The following CABLES1 variants were observed in gnomAD, a reference collection of about 807,000 sequenced individuals.
CABLES1 encodes the protein CDK5 and ABL1 enzyme substrate 1.
CABLES1 carries 36 observed loss-of-function variants against 57.8 expected under a neutral mutation model. That is an observed-to-expected ratio of 0.62 (90% CI 0.48 to 0.82). The LOEUF (loss-of-function observed/expected upper bound fraction) is 0.82. Ranked by LOEUF, CABLES1 falls within the 40% of genes least tolerant of loss-of-function variation. CABLES1 has a pLI of 0.00. For missense variants in CABLES1, 767 were observed against 836.6 expected (o/e 0.92, Z 1.03); for synonymous variants, 374 against 363.0 (o/e 1.03, Z -0.35).
chr18:23,242,492 G>A (rs565526437), intron 7 of CABLES1, among the ~76,000 whole-genome samples: 2 of 152,230 alleles, frequency 1.3e-5, no homozygotes, highest in South Asian at 2.1e-4. Flanking sequence ...ATGAGAGAGT[G>A]GTTATGTATC....
At chr18:23,255,095 T>C (rs2048129713) in intron 9 of CABLES1, among the ~76,000 whole-genome samples, 1 of 152,150 alleles carries the variant, frequency 6.6e-6, no homozygotes, top group Non-Finnish European at 1.5e-5. Flanking sequence ...TGCCTGGCTC[T>C]GGGGTGATAA....
rs1282471825 is a variant in CABLES1, at chr18:23,258,814, C to T, written c.*1447C>T. 2 of 152,164 alleles carry T rather than the reference C, an allele frequency of 1.3e-5. No individual in the cohort carries two copies. The highest frequency in any genetic ancestry group is 6.5e-5 in the Admixed American group (1 of 15,276). The allele number at this position is 152,164 out of a possible 1,614,324, so 9.4% of individuals were successfully genotyped here. On this transcript the variant is annotated 3_prime_UTR_variant, in exon 10 of 10. Coordinates refer to ENST00000256925, the MANE Select transcript of CABLES1 (RefSeq NM_001100619.3). ...AACCGAACCGAGGGTCTGCAGCTTT[C>T]GTTAGCAGAGCTGTCAGATTCTTGA...
chr18:23,153,904 A>G (rs1320817074), intron 1 of CABLES1, among the ~76,000 whole-genome samples: 1 of 152,052 alleles, frequency 6.6e-6, no homozygotes, highest in African/African-American at 2.4e-5. Flanking sequence ...GATAGCACAC[A>G]CCTGTAATCT....
At chr18:23,204,012 G>A (rs140588144) in intron 3 of CABLES1, among the ~76,000 whole-genome samples, 107 of 152,314 alleles carry the variant, frequency 7.0e-4, no homozygotes, top group African/African-American at 2.5e-3. Context: ...GACAGGGAGT[G>A]GACAGCCTGA....
chr18:23,140,674 G>GTGA (rs2046852456), intron 1 of CABLES1, among the ~76,000 whole-genome samples: 1 of 152,150 alleles, frequency 6.6e-6, no homozygotes, highest in Non-Finnish European at 1.5e-5. Context: ...CTGACCTCAG[G>GTGA]TGATCCACCT....
At chr18:23,191,895 G>A (rs1050063778) in intron 2 of CABLES1, among the ~76,000 whole-genome samples, 3 of 116,718 alleles carry the variant, frequency 2.6e-5, no homozygotes, top group African/African-American at 1.0e-4. Context: ...CTGGTGATTT[G>A]GTTGAATGCT....
chr18:23,243,468 GTTTTTTT>G (rs551293348), intron 7 of CABLES1, among the ~76,000 whole-genome samples: 13 of 101,878 alleles, frequency 1.3e-4, no homozygotes, highest in Admixed American at 8.0e-4. Flanking sequence ...TGGGTTTGGT[GTTTTTTT>G]TTTTTTTTTT....
At chr18:23,239,481 A>AC (rs2047682854) in intron 7 of CABLES1, among the ~76,000 whole-genome samples, 2 of 151,808 alleles carry the variant, frequency 1.3e-5, no homozygotes, top group Non-Finnish European at 2.9e-5. Flanking sequence ...AAGGGCCTCA[A>AC]CCCCCCAGCT....
At chr18:23,142,649 C>T (rs1157181550) in intron 1 of CABLES1, among the ~76,000 whole-genome samples, 1 of 152,204 alleles carries the variant, frequency 6.6e-6, no homozygotes, top group Non-Finnish European at 1.5e-5. Context: ...ACATTGAACA[C>T]AATGAGTATC....
intron 1 of CABLES1, among the ~76,000 whole-genome samples, chr18:23,168,124 T>C (rs2047056627): frequency 6.6e-6 from 1 of 152,146 alleles, no homozygotes; most frequent in African/African-American, 2.4e-5. Context: ...GTTTGCCCTT[T>C]CAGAGTAGGG....
At chr18:23,203,839 C>T (rs967791342) in intron 3 of CABLES1, among the ~76,000 whole-genome samples, 11 of 152,164 alleles carry the variant, frequency 7.2e-5, no homozygotes, top group African/African-American at 9.7e-5. Flanking sequence ...CCTTGCAACA[C>T]GGACCCTTTC....
At chr18:23,242,981 T>C (rs2047773008) in intron 7 of CABLES1, among the ~76,000 whole-genome samples, 1 of 151,804 alleles carries the variant, frequency 6.6e-6, no homozygotes, top group Middle Eastern at 3.2e-3. Flanking sequence ...GTGATTAGAT[T>C]CTGCCTGTCC....
chr18:23,190,769 C>CT (rs1178398937), intron 2 of CABLES1, among the ~76,000 whole-genome samples: 2 of 152,020 alleles, frequency 1.3e-5, no homozygotes, highest in African/African-American at 4.8e-5. Context: ...ACTAAAGGAC[C>CT]TTTTTTTGAT....
At chr18:23,141,646 G>A (rs1266319440) in intron 1 of CABLES1, among the ~76,000 whole-genome samples, 4 of 152,198 alleles carry the variant, frequency 2.6e-5, no homozygotes, top group African/African-American at 9.6e-5. Flanking sequence ...CGCAGTCTGA[G>A]GCTTCCCTGC....
At chr18:23,149,454 G>A (rs1249491022) in intron 1 of CABLES1, among the ~76,000 whole-genome samples, 1 of 152,006 alleles carries the variant, frequency 6.6e-6, no homozygotes, top group Non-Finnish European at 1.5e-5. Context: ...GTAAATTTTT[G>A]TATTTTTAGT....
intron 4 of CABLES1, chr18:23,214,541 A>T (rs2047427965): frequency 6.5e-6 from 1 of 152,772 alleles, no homozygotes; most frequent in Non-Finnish European, 1.5e-5. Context: ...TACAGGCCAG[A>T]GGAATGCTTC....
chr18:23,236,282 G>T (rs1316189962), intron 6 of CABLES1, among the ~76,000 whole-genome samples: 1 of 152,150 alleles, frequency 6.6e-6, no homozygotes, highest in African/African-American at 2.4e-5. Flanking sequence ...GTGGAGAGAC[G>T]CCAAGGCCGT....
chr18:23,255,762 T>C (rs2048149538), intron 9 of CABLES1, among the ~76,000 whole-genome samples: 1 of 152,056 alleles, frequency 6.6e-6, no homozygotes, highest in African/African-American at 2.4e-5. Flanking sequence ...GGTCTTGCTG[T>C]ATTGCCCAGG....
intron 4 of CABLES1, among the ~76,000 whole-genome samples, chr18:23,228,724 G>A (rs1324152398): frequency 8.2e-6 from 1 of 121,944 alleles, no homozygotes; most frequent in African/African-American, 3.2e-5. Context: ...CCGTGGGCCA[G>A]TTTTAAATGT....
Sources: allele counts gnomAD v4.1 joint callset (sites outside exome capture counted in the v4.1 genomes callset), GRCh38; gene constraint gnomAD v4.1.1; transcripts MANE v1.5; gene names NCBI Gene and HGNC (gene_info 2026-07-23, HGNC 2026-07-21).